The following CFAP54 variants were observed in gnomAD, a reference collection of about 807,000 sequenced individuals.
CFAP54 encodes the protein cilia and flagella associated protein 54.
In CFAP54, 290 loss-of-function variants were observed where a neutral mutation model predicts 370.4. The ratio of observed to expected loss-of-function variants is 0.78; its 90% CI spans 0.71 to 0.86. The LOEUF (loss-of-function observed/expected upper bound fraction) is 0.86, where lower values mean the gene tolerates loss of function less well. CFAP54 is among the 40% of genes least tolerant of loss of function. CFAP54 has a pLI of 0.00. For missense variants in CFAP54, 3,399 were observed against 3,528.7 expected, an observed-to-expected ratio of 0.96 and a Z score of 0.93; for synonymous variants, 1,206 against 1,236.5, an observed-to-expected ratio of 0.98 and a Z score of 0.52.
intron 9 of CFAP54, among the ~76,000 whole-genome samples, chr12:96,528,032 A>G (rs1337985528): frequency 6.6e-6 from 1 of 151,910 alleles, no homozygotes; most frequent in East Asian, 1.9e-4. Context: ...CTTTTCTTGC[A>G]TTTCTTGATG....
chr12:96,655,559 T>A (rs776541206), intron 36 of CFAP54, among the ~76,000 whole-genome samples: 3 of 152,112 alleles, frequency 2.0e-5, no homozygotes, highest in African/African-American at 4.8e-5. Flanking sequence ...CTTACATTTA[T>A]CCCACAATTT....
At chr12:96,844,357 T>C (rs1959276043) in intron 66 of CFAP54, among the ~76,000 whole-genome samples, 1 of 151,970 alleles carries the variant, frequency 6.6e-6, no homozygotes, top group Non-Finnish European at 1.5e-5. Context: ...TGATGAGCCA[T>C]GAAGGTGAAG....
At position 96,827,823 on chromosome 12, in the gene CFAP54, A is replaced by C. The variant is rs191467818; in HGVS notation, c.9097-1191A>C. ...TATATAATACATAGTAATATATTAT[A>C]TATAGTTATATATAATATATAATTA... is the stretch of plus-strand genomic sequence containing the variant. On this transcript the variant is annotated intron_variant, in intron 65 of 67. Transcript: ENST00000524981. 6.7e-3 allele frequency among the ~76,000 whole-genome samples: 747 copies of C among 112,062 alleles called. 15 individuals are homozygous for C. The highest frequency in any genetic ancestry group is 0.01 in the Non-Finnish European group (607 of 59,722). 73.5% of individuals were successfully genotyped at this position (112,062 alleles called of 152,430 possible).
rs1466455333 is a variant in CFAP54 at position 96,875,445 on chromosome 12, T to C, written c.*342T>C. On this transcript the variant is annotated 3_prime_UTR_variant, in exon 68 of 68. Coordinates refer to ENST00000524981, the MANE Select transcript of CFAP54 (RefSeq NM_001306084.2). ...TATATCTCCTCAGCTCGCTCTCATT[T>C]GTCCAGCTTATCTATTTCTTTATCA... 1.3e-5 allele frequency: 2 copies of C among 152,220 alleles called. No homozygotes were observed. Among genetic ancestry groups the C allele is most frequent in the Non-Finnish European group, 2.9e-5 (2 of 68,034 alleles). The allele number at this position is 152,220 out of a possible 1,614,324, so 9.4% of individuals were successfully genotyped here. A position where few individuals can be genotyped will look rare whatever the true frequency, so the allele number is the denominator to read the frequency against.
At chr12:96,573,468 C>T (rs542920120) in intron 19 of CFAP54, among the ~76,000 whole-genome samples, 10 of 152,098 alleles carry the variant, frequency 6.6e-5, no homozygotes, top group Admixed American at 6.6e-5. Flanking sequence ...GTGGTACATT[C>T]GTCCCCTCAG....
chr12:96,784,405 T>C (rs1269146763), intron 60 of CFAP54, among the ~76,000 whole-genome samples: 2 of 152,164 alleles, frequency 1.3e-5, no homozygotes, highest in Non-Finnish European at 1.5e-5. Flanking sequence ...CCTGTTGATA[T>C]TCTTTGTCCA....
chr12:96,610,177 C>A (rs894536621), intron 26 of CFAP54, among the ~76,000 whole-genome samples: 1 of 152,142 alleles, frequency 6.6e-6, no homozygotes, highest in African/African-American at 2.4e-5. Context: ...TAATATATGA[C>A]AAAGGTAGCA....
Position 96,708,740 on chromosome 12 carries a change from C to G in CFAP54, c.6661C>G (p.Pro2221Ala), listed in dbSNP as rs372190088. 5.8e-4 allele frequency: 935 copies of G among 1,611,348 alleles called. 9 individuals are homozygous for G. The South Asian group carries it at 9.6e-3, about 17-fold the overall frequency. ...TGTGGCTGCGACAATAAATTGTGTC[C>G]CAGAAAATAAATTTAAGACAGTAAT... The part of the protein sequence containing the change: ...LSVAATINCV[P>A]ENKFKTVITN... Residue 2221 changes from proline to alanine, a missense_variant, in exon 48 of 68, where the codon CCA (proline) becomes GCA (alanine). Pro to Ala is a conservative substitution (Grantham distance 27). Coordinates refer to ENST00000524981, the MANE Select transcript of CFAP54 (RefSeq NM_001306084.2).
intron 32 of CFAP54, among the ~76,000 whole-genome samples, chr12:96,631,610 T>C (rs1012814892): frequency 1.3e-5 from 2 of 150,758 alleles, no homozygotes; most frequent in Non-Finnish European, 3.0e-5. Context: ...AATTATATAA[T>C]AGTGTAATGC....
At chr12:96,556,195 G>A (rs1431203830) in intron 17 of CFAP54, among the ~76,000 whole-genome samples, 1 of 151,518 alleles carries the variant, frequency 6.6e-6, no homozygotes, top group Non-Finnish European at 1.5e-5. Flanking sequence ...CTTGGAGTAG[G>A]GAAGATCTTC....
intron 39 of CFAP54, among the ~76,000 whole-genome samples, chr12:96,667,926 A>G (rs1402441013): frequency 3.9e-5 from 6 of 152,102 alleles, no homozygotes; most frequent in Non-Finnish European, 8.8e-5. Flanking sequence ...ATCATCTCTC[A>G]AGTTCAAAGT....
intron 5 of CFAP54, among the ~76,000 whole-genome samples, chr12:96,514,715 T>A (rs1012730752): frequency 6.6e-6 from 1 of 152,216 alleles, no homozygotes; most frequent in Non-Finnish European, 1.5e-5. Flanking sequence ...TTAAAATAAT[T>A]TCTTATTCAT....
intron 26 of CFAP54, among the ~76,000 whole-genome samples, chr12:96,609,158 T>C (rs1020489359): frequency 2.6e-5 from 4 of 152,160 alleles, no homozygotes; most frequent in Non-Finnish European, 5.9e-5. Flanking sequence ...AAAATATTAA[T>C]CAGAACAGAG....
At chr12:96,686,864 C>A (rs1394155112) in intron 42 of CFAP54, among the ~76,000 whole-genome samples, 4 of 152,132 alleles carry the variant, frequency 2.6e-5, no homozygotes, top group African/African-American at 9.7e-5. Context: ...TATTAGTGTC[C>A]TTTTTGCTGC....
chr12:96,727,062 C>T (rs1366130193), intron 50 of CFAP54, among the ~76,000 whole-genome samples: 1 of 152,044 alleles, frequency 6.6e-6, no homozygotes, highest in Non-Finnish European at 1.5e-5. Flanking sequence ...AATTTCTGTT[C>T]TTTTACATTT....
chr12:96,517,898 A>T (rs994144813), intron 5 of CFAP54, among the ~76,000 whole-genome samples: 1 of 152,210 alleles, frequency 6.6e-6, no homozygotes, highest in Non-Finnish European at 1.5e-5. Context: ...GGCAGGCTAC[A>T]TAAATGTTTT....
At chr12:96,557,087 G>A (rs1277343243) in intron 17 of CFAP54, among the ~76,000 whole-genome samples, 5 of 152,036 alleles carry the variant, frequency 3.3e-5, no homozygotes, top group East Asian at 1.9e-4. Flanking sequence ...GGTGTCAACC[G>A]AGCTGTATTC....
At chr12:96,514,421 G>A (rs1955208176) in intron 5 of CFAP54, among the ~76,000 whole-genome samples, 1 of 152,224 alleles carries the variant, frequency 6.6e-6, no homozygotes, top group Non-Finnish European at 1.5e-5. Context: ...CTTTCTGAGT[G>A]TGAATTAAAT....
chr12:96,627,045 C>A, intron 30 of CFAP54, 106 bp downstream of exon 30: 1 of 710,820 alleles, frequency 1.4e-6, no homozygotes, highest in Non-Finnish European at 2.0e-6. Flanking sequence ...GGAGTATATA[C>A]AGTTAAAACC....
Sources: allele counts gnomAD v4.1 joint callset (sites outside exome capture counted in the v4.1 genomes callset), GRCh38; gene constraint gnomAD v4.1.1; transcripts MANE v1.5; gene names NCBI Gene and HGNC (gene_info 2026-07-23, HGNC 2026-07-21).